The following TMC3 variants were observed in gnomAD, a reference collection of about 807,000 sequenced individuals.
TMC3 encodes transmembrane channel like 3.
Under a neutral mutation model 110.6 loss-of-function variants are expected in TMC3, and 98 were observed. The ratio of observed to expected loss-of-function variants is 0.89; its 90% CI spans 0.75 to 1.05. The LOEUF is 1.05. Ranked by LOEUF, TMC3 falls within the 50% of genes least tolerant of loss-of-function variation. The pLI, the probability that TMC3 is intolerant of heterozygous loss-of-function variation, is 0.00. For synonymous variants in TMC3, 489 were observed against 513.1 expected (o/e 0.95, Z 0.63); for missense variants, 1,319 against 1,373.2 (o/e 0.96, Z 0.62).
chr15:81,357,512 C>T (rs1894090979), intron 7 of TMC3, among the ~76,000 whole-genome samples: 1 of 152,030 alleles, frequency 6.6e-6, no homozygotes, highest in Non-Finnish European at 1.5e-5. Flanking sequence ...TCTGAGCCAA[C>T]CTACCCATTT....
At chr15:81,362,887 C>T (rs975719871) in intron 3 of TMC3, among the ~76,000 whole-genome samples, 11 of 152,252 alleles carry the variant, frequency 7.2e-5, no homozygotes, top group African/African-American at 2.6e-4. Flanking sequence ...AAATGAGCCC[C>T]ACCCTAATGT....
chr15:81,333,382 A>T (rs1248538405), intron 21 of TMC3, 120 bp from the exon 22 acceptor site: 4 of 1,342,994 alleles, frequency 3.0e-6, no homozygotes, highest in Non-Finnish European at 4.0e-6. Flanking sequence ...CCAACTGGTT[A>T]ATGGGTATGG....
rs1177537519 is a variant in TMC3 at position 81,332,640 on chromosome 15, G to T, written c.3082C>A (p.Pro1028Thr). ...GGCTCGAACCTGGGCTTCCCTCTGG[G>T]CTTCAGAGGGGGCTGTGGGTATTGG... ...NFQYPQPPLK[P>T]RGKPRFEPSL... The change falls in exon 22 of 22, where the codon CCC becomes ACC. Residue 1028 changes from proline to threonine, a missense_variant. By Grantham distance (38) the Pro-to-Thr change is conservative (BLOSUM62 -1). Coordinates refer to ENST00000359440, the MANE Select transcript of TMC3 (RefSeq NM_001080532.3). The T allele has an allele frequency of 6.2e-7, 1 of 1,614,002 alleles. No individual in the cohort carries two copies. The highest frequency in any genetic ancestry group is 8.5e-7 in the Non-Finnish European group (1 of 1,179,882).
Position 81,359,481 on chromosome 15 carries a change from G to T in TMC3, c.395-10C>A, listed in dbSNP as rs1319517605. ...CCAGATCCAAAATGACCTAAAGAAAGACAAGATAATGAGAACAGTTTAAAT... is the reference window on the plus strand; with the variant it reads ...CCAGATCCAAAATGACCTAAAGAAATACAAGATAATGAGAACAGTTTAAAT... On this transcript the variant is annotated splice_polypyrimidine_tract_variant and intron_variant, in intron 4 of 21. Transcript: ENST00000359440. The T allele has an allele frequency of 6.5e-7, 1 of 1,536,612 alleles. No individual in the cohort carries two copies. Among genetic ancestry groups the T allele is most frequent in the East Asian group, 2.3e-5 (1 of 43,568 alleles).
At chr15:81,368,201 G>A (rs1024822658) in intron 3 of TMC3, 52 bp downstream of exon 3, 1 of 1,367,112 alleles carries the variant, frequency 7.3e-7, no homozygotes, top group South Asian at 1.2e-5. Flanking sequence ...CCAAAGCACT[G>A]GGATTACAGG....
rs199991436 is a variant in TMC3, at chr15:81,332,889, C to T, written c.2833G>A (p.Glu945Lys). Residue 945 changes from glutamate to lysine, a missense_variant, in exon 22 of 22, where the codon GAG becomes AAG. By Grantham distance (56) the Glu-to-Lys change is moderately conservative. Transcript: ENST00000359440. ...QPPSPQLSEEEEETPSRDWIK... is the reference protein window; with the variant it reads ...QPPSPQLSEEKEETPSRDWIK... ...CAATCTCTGCTTGGCGTCTCCTCCTCTTCTTCACTCAGCTGTGGGGAGGGA... is the reference window on the plus strand; with the variant it reads ...CAATCTCTGCTTGGCGTCTCCTCCTTTTCTTCACTCAGCTGTGGGGAGGGA... The T allele has an allele frequency of 1.9e-6, 3 of 1,607,148 alleles. No homozygotes were observed. In the African/African-American group the frequency reaches 4.0e-5, roughly 22 times the overall value.
intron 7 of TMC3, among the ~76,000 whole-genome samples, chr15:81,357,873 G>A (rs1239094580): frequency 1.3e-5 from 2 of 152,180 alleles, no homozygotes; most frequent in African/African-American, 4.8e-5. Flanking sequence ...ATAGGACCTA[G>A]TACAAAGCAG....
chr15:81,348,371 T>A (rs1018619996), intron 11 of TMC3, among the ~76,000 whole-genome samples: 13 of 152,076 alleles, frequency 8.5e-5, no homozygotes, highest in African/African-American at 3.1e-4. Flanking sequence ...CTCTGCCACA[T>A]TCAGTTTAAC....
At chr15:81,373,871 G>T in intron 1 of TMC3, 118 bp downstream of exon 1, 1 of 935,234 alleles carries the variant, frequency 1.1e-6, no homozygotes, top group Non-Finnish European at 1.6e-6. Context: ...GAGTTTCTGA[G>T]TTCATTCTGA....
chr15:81,356,302 C>G (rs746046919), intron 8 of TMC3, 145 bp downstream of exon 8: 35 of 690,622 alleles, frequency 5.1e-5, no homozygotes, highest in Non-Finnish European at 6.6e-5. Context: ...TTTCCTGGAG[C>G]ATGTTCACCT....
At chr15:81,364,170 C>T (rs1894253551) in intron 3 of TMC3, among the ~76,000 whole-genome samples, 1 of 152,058 alleles carries the variant, frequency 6.6e-6, no homozygotes, top group African/African-American at 2.4e-5. Flanking sequence ...AAAAATCTCC[C>T]CCACCACCCC....
rs1596076447 is a variant in TMC3 at position 81,332,810 on chromosome 15, TGAG to T, written c.2909_2911del (p.Pro970del). On this transcript the variant is annotated inframe_deletion, in exon 22 of 22. Coordinates refer to ENST00000359440, the MANE Select transcript of TMC3 (RefSeq NM_001080532.3). ...TTCGGACCTCTCCCCAATATAAAAA[TGAG>T]GAGCCCGACGGAGGTCTATCAGGGA... 2 of 1,611,850 alleles carry T rather than the reference TGAG, an allele frequency of 1.2e-6. No homozygotes were observed.
At chr15:81,341,328 A>C (rs1481677437) in intron 16 of TMC3, 62 bp downstream of exon 16, 5 of 1,497,492 alleles carry the variant, frequency 3.3e-6, no homozygotes, top group Non-Finnish European at 4.5e-6. Context: ...TGGGTAAGGC[A>C]GGCATGGATT....
Position 81,341,479 on chromosome 15 carries a change from G to T in TMC3, c.1755C>A (p.Asn585Lys). 1 of 1,611,120 alleles carries T rather than the reference G, an allele frequency of 6.2e-7. No individual in the cohort carries two copies. The highest frequency in any genetic ancestry group is 1.1e-5 in the South Asian group (1 of 90,276). ...ACATGAGCCCAATGAGTTTGAGAAC[G>T]TTGAACGCTGGGAGACATGGGGAGA... ...AFFSPCLPAF[N>K]VLKLIGLMYL... Residue 585 changes from asparagine to lysine, a missense_variant, in exon 16 of 22, where the codon AAC becomes AAA. Physicochemically the swap from Asn to Lys is moderately conservative, Grantham distance 94 (BLOSUM62 0). Transcript: ENST00000359440.
intron 8 of TMC3, 43 bp from the exon 9 acceptor site, chr15:81,355,811 A>G (rs748412701): frequency 1.6e-6 from 2 of 1,263,482 alleles, no homozygotes; most frequent in Non-Finnish European, 2.3e-6. Context: ...TAGCATCATC[A>G]TTAATTATAA....
At position 81,368,196 on chromosome 15, in the gene TMC3, G is replaced by A. The variant is rs1028132514; in HGVS notation, c.312+57C>T. The A allele has an allele frequency of 3.8e-6, 5 of 1,318,214 alleles. No individual in the cohort carries two copies. The African/African-American group carries it at 5.8e-5, about 15-fold the overall frequency. 81.7% of individuals were successfully genotyped at this position (1,318,214 alleles called of 1,614,324 possible). A position where few individuals can be genotyped will look rare whatever the true frequency, so the allele number is the denominator to read the frequency against. On this transcript the variant is annotated intron_variant, in intron 3 of 21. Transcript: ENST00000359440. ...GATCCACCTCCCTTGGCCTCCCAAAGCACTGGGATTACAGGTGTGAGCCAC... is the reference window on the plus strand; with the variant it reads ...GATCCACCTCCCTTGGCCTCCCAAAACACTGGGATTACAGGTGTGAGCCAC...
At position 81,372,626 on chromosome 15, in the gene TMC3, T is replaced by G. The variant is rs1894461536; in HGVS notation, c.201A>C (p.Arg67Ser). ...TCAGCTTCTGTCCCATAGTCCAGGG[T>G]CTGCAGCGAATGTTTGCCATGAGAT... ...QKDLMANIRC[R>S]PWTMGQKLRA... The change falls in exon 2 of 22, where the codon AGA becomes AGC. Residue 67 changes from arginine (R) to serine (S), a missense_variant. Arg to Ser is a moderately radical substitution (Grantham distance 110, BLOSUM62 -1). Coordinates refer to ENST00000359440, the MANE Select transcript of TMC3 (RefSeq NM_001080532.3). 1 of 1,613,754 alleles carries G rather than the reference T, an allele frequency of 6.2e-7. No homozygotes were observed. The highest frequency in any genetic ancestry group is 2.2e-5 in the East Asian group (1 of 44,892).
At chr15:81,371,199 A>G (rs1371637803) in intron 2 of TMC3, among the ~76,000 whole-genome samples, 1 of 152,170 alleles carries the variant, frequency 6.6e-6, no homozygotes, top group Non-Finnish European at 1.5e-5. Flanking sequence ...ACTCAAATAA[A>G]TGGAAACAAT....
At position 81,362,015 on chromosome 15, in the gene TMC3, C is replaced by T. The variant is rs1280251878; in HGVS notation, c.394+205G>A. Reference sequence around the variant, plus strand: ...CCGCAGCGGAATGTGGAAAGGCCCACGTCCAGACTGTTCCCATTCTGGTAG... The same window carrying T: ...CCGCAGCGGAATGTGGAAAGGCCCATGTCCAGACTGTTCCCATTCTGGTAG... On this transcript the variant is annotated intron_variant, in intron 4 of 21. Transcript: ENST00000359440. 6.0e-5 allele frequency: 29 copies of T among 484,990 alleles called. No homozygotes were observed. The Admixed American group carries it at 9.2e-4, about 15-fold the overall frequency. The allele number at this position is 484,990 out of a possible 1,614,324, so 30.0% of individuals were successfully genotyped here.
Sources: allele counts gnomAD v4.1 joint callset (sites outside exome capture counted in the v4.1 genomes callset), GRCh38; gene constraint gnomAD v4.1.1; transcripts MANE v1.5; gene names NCBI Gene and HGNC (gene_info 2026-07-23, HGNC 2026-07-21).